HERC1: variants seen among roughly 807,000 people sequenced by gnomAD.
The protein encoded by HERC1 is probable E3 ubiquitin-protein ligase HERC1.
A neutral mutation model predicts 554.3 loss-of-function variants in HERC1; 160 were observed. The observed-to-expected ratio is 0.29, with a 90% CI of 0.25 to 0.33. HERC1 has a LOEUF of 0.33. Ranked by LOEUF, HERC1 falls within the 10% of genes least tolerant of loss-of-function variation. The pLI is 1.00. For synonymous variants in HERC1, 2,175 were observed against 2,131.7 expected, an observed-to-expected ratio of 1.02 and a Z score of -0.56; for missense variants, 4,919 against 5,918.5, an observed-to-expected ratio of 0.83 and a Z score of 5.54.
intron 40 of HERC1, among the ~76,000 whole-genome samples, chr15:63,668,451 C>T (rs538038343): frequency 6.6e-6 from 1 of 152,178 alleles, no homozygotes; most frequent in South Asian, 2.1e-4. Flanking sequence ...CAAGGTCACT[C>T]CAGCCCGGGT....
intron 17 of HERC1, among the ~76,000 whole-genome samples, chr15:63,725,840 T>A (rs1469145953): frequency 6.6e-6 from 1 of 152,160 alleles, no homozygotes; most frequent in Non-Finnish European, 1.5e-5. Context: ...CTTTAGGGAG[T>A]ATTCTGAGTT....
At chr15:63,625,071 C>G (rs554315120) in intron 71 of HERC1, among the ~76,000 whole-genome samples, 1 of 152,180 alleles carries the variant, frequency 6.6e-6, no homozygotes, top group African/African-American at 2.4e-5. Context: ...TAGTGCTGCA[C>G]AGGACTCTGC....
intron 1 of HERC1, among the ~76,000 whole-genome samples, chr15:63,802,964 C>G (rs73457137): frequency 0.26 from 39,390 of 152,128 alleles, 5,641 homozygotes; most frequent in Middle Eastern, 0.38. Context: ...AATCCCAACA[C>G]TTCGGGAGGC....
intron 68 of HERC1, chr15:63,632,365 G>A (rs2068598921): frequency 3.1e-6 from 1 of 326,716 alleles, no homozygotes; most frequent in Non-Finnish European, 5.9e-6. Flanking sequence ...TCCCTAGAAG[G>A]GATGAAGAAT....
At chr15:63,609,453 C>T (rs942552801) in intron 77 of HERC1, among the ~76,000 whole-genome samples, 187 bp from the exon 78 acceptor site, 50 of 152,208 alleles carry the variant, frequency 3.3e-4, no homozygotes, top group African/African-American at 1.2e-3. Flanking sequence ...CCTCGAGGCT[C>T]TGGGTGAAGA....
chr15:63,720,103 C>CTTTGTTTTTTTTTTTTTTTTTT (rs2073748382), intron 19 of HERC1, among the ~76,000 whole-genome samples: 2 of 71,608 alleles, frequency 2.8e-5, no homozygotes, highest in Non-Finnish European at 5.3e-5. Flanking sequence ...TTTTTCTTCC[C>CTTTGTTTTTTTTTTTTTTTTTT]TTTTTTTTTT....
chr15:63,814,602 G>GT (rs1567155525), intron 1 of HERC1, among the ~76,000 whole-genome samples: 1 of 152,058 alleles, frequency 6.6e-6, no homozygotes, highest in African/African-American at 2.4e-5. Context: ...GATTACAGGC[G>GT]TGCACCATCA....
chr15:63,812,236 G>C (rs1482048014), intron 1 of HERC1, among the ~76,000 whole-genome samples: 1 of 152,168 alleles, frequency 6.6e-6, no homozygotes, highest in Non-Finnish European at 1.5e-5. Context: ...CGAATAGCCT[G>C]GTTCACCAAA....
intron 54 of HERC1, among the ~76,000 whole-genome samples, chr15:63,648,819 A>G (rs1353906089): frequency 1.3e-5 from 2 of 152,194 alleles, no homozygotes. Flanking sequence ...CTATGAAAGT[A>G]TTACCTATTC....
chr15:63,771,840 A>G (rs2075965683), intron 2 of HERC1, among the ~76,000 whole-genome samples: 1 of 152,124 alleles, frequency 6.6e-6, no homozygotes, highest in Non-Finnish European at 1.5e-5. Context: ...CGAATTTGCT[A>G]TTTTGTCTGG....
intron 1 of HERC1, among the ~76,000 whole-genome samples, chr15:63,795,189 C>A: frequency 6.6e-6 from 1 of 151,264 alleles, no homozygotes; most frequent in South Asian, 2.1e-4. Flanking sequence ...CAAGTTTCTG[C>A]TTTAAAGATC....
intron 1 of HERC1, among the ~76,000 whole-genome samples, chr15:63,799,288 C>A (rs1386545482): frequency 6.6e-6 from 1 of 151,976 alleles, no homozygotes; most frequent in South Asian, 2.1e-4. Flanking sequence ...ATCAGTTGAG[C>A]CCAGGAGTTT....
intron 2 of HERC1, among the ~76,000 whole-genome samples, chr15:63,772,760 C>T (rs893432054): frequency 6.6e-6 from 1 of 152,086 alleles, no homozygotes; most frequent in Non-Finnish European, 1.5e-5. Flanking sequence ...GTGAAGAACA[C>T]AGAACCCATG....
At chr15:63,651,150 G>A (rs530890807) in intron 53 of HERC1, 103 bp downstream of exon 53, 1 of 1,031,094 alleles carries the variant, frequency 9.7e-7, no homozygotes, top group Non-Finnish European at 1.4e-6. Context: ...GAAGGCTTGT[G>A]AATTTCAAGG....
chr15:63,822,032 T>C (rs775812308), intron 1 of HERC1, among the ~76,000 whole-genome samples: 8 of 152,142 alleles, frequency 5.3e-5, no homozygotes, highest in Non-Finnish European at 1.0e-4. Context: ...AGTGAAGATC[T>C]CTCTACAGGG....
intron 51 of HERC1, 86 bp from the exon 52 acceptor site, chr15:63,652,627 C>A: frequency 8.9e-7 from 1 of 1,124,664 alleles, no homozygotes; most frequent in Non-Finnish European, 1.3e-6. Flanking sequence ...TTTTAAAAAT[C>A]TACCATGAAA....
At position 63,677,779 on chromosome 15, in the gene HERC1, G is replaced by A. The variant is rs765601951; in HGVS notation, c.7070+66C>T. The A allele has an allele frequency of 3.5e-5, 54 of 1,540,120 alleles. No homozygotes were observed. Among genetic ancestry groups the A allele is most frequent in the African/African-American group, 6.9e-5 (5 of 72,976 alleles). ...CTAAAATACATAATTACTCACTGTC[G>A]ACAGGCAATGGCCTATTTCACCATT... is the stretch of plus-strand genomic sequence containing the variant. On this transcript the variant is annotated intron_variant, in intron 37 of 77. Transcript: ENST00000443617. The surrounding 1 kb of genome is among the most constrained non-coding windows in gnomAD (Gnocchi z 4.4).
At chr15:63,631,486 T>A (rs954315504) in intron 68 of HERC1, among the ~76,000 whole-genome samples, 1 of 152,324 alleles carries the variant, frequency 6.6e-6, no homozygotes, top group African/African-American at 2.4e-5. Context: ...CCCTGGCTCA[T>A]CAGTGACCTC....
intron 69 of HERC1, among the ~76,000 whole-genome samples, chr15:63,630,041 T>C (rs1287741041): frequency 6.6e-6 from 1 of 152,174 alleles, no homozygotes; most frequent in Admixed American, 6.6e-5. Flanking sequence ...CATCATATTA[T>C]AAAATATAAA....
Sources: gnomAD v4.1 joint callset for allele counts (sites outside exome capture counted in the v4.1 genomes callset) on GRCh38, gnomAD v4.1.1 for gene constraint, Gnocchi (gnomAD v3.1) non-coding constraint, MANE v1.5 for transcripts, NCBI Gene and HGNC (gene_info 2026-07-23, HGNC 2026-07-21) for gene names.